Variants in NEO1 observed in about 807,000 individuals in gnomAD.
NEO1 encodes the protein neogenin 1.
A neutral mutation model predicts 159.7 loss-of-function variants in NEO1; 63 were observed. That is an observed-to-expected ratio of 0.39 (90% CI 0.32 to 0.49). The LOEUF (loss-of-function observed/expected upper bound fraction) is 0.49, where lower values mean the gene tolerates loss of function less well. Among genes scored for constraint, NEO1 ranks in the 20% least tolerant of loss-of-function variants. NEO1 has a pLI of 0.85. For missense variants in NEO1, 1,615 were observed against 1,831.0 expected (o/e 0.88, Z 2.15); for synonymous variants, 633 against 662.0 (o/e 0.96, Z 0.67).
chr15:73,258,908 A>G (rs2040488570), intron 14 of NEO1, 32 bp downstream of exon 14: 2 of 1,564,420 alleles, frequency 1.3e-6, no homozygotes, highest in African/African-American at 2.7e-5. Flanking sequence ...ACTGGAACAC[A>G]ATAGATACTA....
chr15:73,179,026 A>T (rs2035446443), intron 7 of NEO1, among the ~76,000 whole-genome samples: 1 of 152,160 alleles, frequency 6.6e-6, no homozygotes, highest in South Asian at 2.1e-4. Flanking sequence ...AATACAATTA[A>T]TTTACCTTTT....
chr15:73,054,347 A>G (rs776830947), intron 1 of NEO1, among the ~76,000 whole-genome samples: 1 of 152,252 alleles, frequency 6.6e-6, no homozygotes, highest in East Asian at 1.9e-4. Flanking sequence ...AAATAATGCA[A>G]GCAGTCTCAG....
At chr15:73,131,631 A>C (rs2031145391) in intron 4 of NEO1, among the ~76,000 whole-genome samples, 2 of 152,062 alleles carry the variant, frequency 1.3e-5, no homozygotes, top group African/African-American at 2.4e-5. Flanking sequence ...TCCTACTTGT[A>C]CTCTGGCCTC....
At chr15:73,244,872 C>CT (rs1190630129) in intron 9 of NEO1, among the ~76,000 whole-genome samples, 21 of 137,184 alleles carry the variant, frequency 1.5e-4, no homozygotes, top group Non-Finnish European at 2.9e-4. Flanking sequence ...GGAGAATCAC[C>CT]TGAACCCAAG....
At chr15:73,221,202 G>GT (rs1467923041) in intron 7 of NEO1, among the ~76,000 whole-genome samples, 1 of 152,212 alleles carries the variant, frequency 6.6e-6, no homozygotes, top group African/African-American at 2.4e-5. Flanking sequence ...TCCAGACCCT[G>GT]TTTGCCTGGG....
chr15:73,270,374 A>G lies in NEO1; in HGVS notation c.2777A>G (p.Tyr926Cys). The change falls in exon 18 of 29, where the codon TAT (tyrosine) becomes TGT (cysteine). Residue 926 changes from tyrosine to cysteine, a missense_variant. Tyr to Cys is a radical substitution (Grantham distance 194, BLOSUM62 -2). Transcript: ENST00000261908. ...LVTGLKPNTLYEFSVMVTKGR... is the reference protein window; with the variant it reads ...LVTGLKPNTLCEFSVMVTKGR... The stretch of plus-strand genomic sequence containing the variant: ...ACTGGTTTAAAGCCGAATACACTCT[A>G]TGAATTCTCTGTGATGGTGACCAAA... 1 of 1,614,204 alleles carries G rather than the reference A, an allele frequency of 6.2e-7. No homozygotes were observed. Among genetic ancestry groups the G allele is most frequent in the Non-Finnish European group, 8.5e-7 (1 of 1,180,032 alleles).
intron 7 of NEO1, among the ~76,000 whole-genome samples, chr15:73,179,946 A>G (rs1026096239): frequency 6.6e-6 from 1 of 151,976 alleles, no homozygotes; most frequent in Non-Finnish European, 1.5e-5. Context: ...TTCCTATTAC[A>G]AACAAGGATG....
intron 5 of NEO1, among the ~76,000 whole-genome samples, chr15:73,167,412 T>A (rs1011979695): frequency 1.8e-4 from 28 of 152,322 alleles, no homozygotes; most frequent in African/African-American, 6.7e-4. Flanking sequence ...CAGGGCCAGC[T>A]AGGTGCCTGG....
rs781388987 is a variant in NEO1, at chr15:73,272,459, G to A, written c.2862G>A (p.Pro954=). The A allele has an allele frequency of 2.4e-5, 39 of 1,611,820 alleles. No homozygotes were observed. The highest frequency in any genetic ancestry group is 3.3e-5 in the Admixed American group (2 of 59,826). Residue 954 remains proline, a synonymous_variant, in exon 19 of 29, where the codon CCG becomes CCA. Transcript: ENST00000261908. ...TAHGTTFELV[P]TSPPKDVTVV... is the part of the protein sequence containing the mutation. ...AAAAATTTTGTTATTTTGTAGTTCC[G>A]ACTTCTCCACCCAAGGATGTGACTG...
At position 73,260,426 on chromosome 15, in the gene NEO1, G is replaced by A; in HGVS notation, c.2359G>A (p.Val787Met). 1 of 1,613,876 alleles carries A rather than the reference G, an allele frequency of 6.2e-7. No homozygotes were observed. The highest frequency in any genetic ancestry group is 8.5e-7 in the Non-Finnish European group (1 of 1,179,880). The change falls in exon 15 of 29, where the codon GTG becomes ATG. Residue 787 changes from valine (V) to methionine (M), a missense_variant. Physicochemically the swap from Val to Met is conservative, Grantham distance 21. Around this residue, in one of 3 missense-constraint regions of NEO1, gnomAD observed 1,018 missense variants for 1,115.4 expected, o/e 0.91. Coordinates refer to ENST00000261908, the MANE Select transcript of NEO1 (RefSeq NM_002499.4). Reference sequence around the variant, plus strand: ...CAGCCCTCATGCCCAGACCATCAAAGTGGACTATAAACAGCGCTATTACAC... The same window carrying A: ...CAGCCCTCATGCCCAGACCATCAAAATGGACTATAAACAGCGCTATTACAC... ...IGSPHAQTIK[V>M]DYKQRYYTIE...
In NEO1 at chr15:73,120,303, T is replaced by C. The variant is rs372693583; in HGVS notation, c.449-2222T>C. 2.9e-4 allele frequency among the ~76,000 whole-genome samples: 44 copies of C among 151,822 alleles called. 1 individual carries two copies. The East Asian group carries it at 7.1e-3, about 25-fold the overall frequency. ...ATTCTGGTTTCTTAAAAGTAGATTT[T>C]TGGTCAAATCTGGGGAGCTCAAGGT... On this transcript the variant is annotated intron_variant, in intron 2 of 28. Transcript: ENST00000261908.
At chr15:73,166,888 A>G (rs1418499605) in intron 5 of NEO1, among the ~76,000 whole-genome samples, 3 of 152,076 alleles carry the variant, frequency 2.0e-5, no homozygotes, top group Admixed American at 6.5e-5. Context: ...GTGTCCATCA[A>G]TGATAGACTG....
At chr15:73,274,603 T>G in intron 20 of NEO1, 89 bp from the exon 21 acceptor site, 1 of 1,371,906 alleles carries the variant, frequency 7.3e-7, no homozygotes, top group Non-Finnish European at 1.0e-6. Context: ...GGGTTTTAGT[T>G]TTTTTCCTTT....
chr15:73,245,217 C>T (rs1157071730), intron 9 of NEO1, among the ~76,000 whole-genome samples: 1 of 152,068 alleles, frequency 6.6e-6, no homozygotes, highest in Non-Finnish European at 1.5e-5. Flanking sequence ...ACATTTCCCA[C>T]AGTGTCTAAT....
intron 1 of NEO1, among the ~76,000 whole-genome samples, chr15:73,069,624 A>G (rs1280330543): frequency 1.3e-5 from 2 of 151,976 alleles, no homozygotes; most frequent in African/African-American, 2.4e-5. Context: ...CTAGATGATT[A>G]TATCAATTAA....
intron 22 of NEO1, among the ~76,000 whole-genome samples, chr15:73,281,729 G>A (rs568669532): frequency 6.6e-6 from 1 of 152,280 alleles, no homozygotes; most frequent in South Asian, 2.1e-4. Flanking sequence ...AGAAAATTAA[G>A]AGAGAGAGTA....
intron 5 of NEO1, among the ~76,000 whole-genome samples, chr15:73,163,257 GT>G (rs1176424732): frequency 6.6e-6 from 1 of 151,860 alleles, no homozygotes; most frequent in East Asian, 1.9e-4. Context: ...CATTCTAATA[GT>G]TTTTCAGCTT....
At chr15:73,135,863 C>CT (rs376822156) in intron 4 of NEO1, 28 bp from the exon 5 acceptor site, 16,996 of 1,290,930 alleles carry the variant, frequency 0.013, 37 homozygotes, top group African/African-American at 0.034. Flanking sequence ...TGAAATGTAT[C>CT]TTTTTTTTTT....
At chr15:73,116,435 C>A in intron 1 of NEO1, 105 bp from the exon 2 acceptor site, 2 of 935,794 alleles carry the variant, frequency 2.1e-6, no homozygotes, top group Non-Finnish European at 3.0e-6. Flanking sequence ...GTGTCACATT[C>A]AAAGAACAAC....
Sources: allele counts gnomAD v4.1 joint callset (sites outside exome capture counted in the v4.1 genomes callset), GRCh38; gene constraint gnomAD v4.1.1; regional missense constraint gnomAD v4.1.1; transcripts MANE v1.5; gene names NCBI Gene and HGNC (gene_info 2026-07-23, HGNC 2026-07-21).